Variants in KAZN observed in about 807,000 individuals in gnomAD.
KAZN encodes kazrin.
In KAZN, 40 loss-of-function variants were observed where a neutral mutation model predicts 87.4. The observed-to-expected ratio is 0.46, with a 90% CI of 0.36 to 0.60. KAZN has a LOEUF of 0.60. KAZN is among the 20% of genes least tolerant of loss of function. The probability of loss-of-function intolerance (pLI) is 0.00; values close to 1 mark genes in which losing one functional copy is unlikely to be tolerated. For missense variants in KAZN, 898 were observed against 1,073.9 expected (o/e 0.84, Z 2.29); for synonymous variants, 466 against 458.3 (o/e 1.02, Z -0.22).
At chr1:14,113,434 G>T (rs145991234) in intron 1 of KAZN, among the ~76,000 whole-genome samples, 3 of 152,106 alleles carry the variant, frequency 2.0e-5, no homozygotes, top group East Asian at 3.9e-4. Context: ...CACTTTCCCC[G>T]AAAAATGCAG....
At chr1:14,838,244 A>C (rs1647508411) in intron 1 of KAZN, among the ~76,000 whole-genome samples, 1 of 152,232 alleles carries the variant, frequency 6.6e-6, no homozygotes, top group African/African-American at 2.4e-5. Flanking sequence ...TTCACAAGGG[A>C]GGAGCCCTCA....
chr1:14,848,782 C>T (rs1323321378), intron 1 of KAZN, among the ~76,000 whole-genome samples: 3 of 152,214 alleles, frequency 2.0e-5, no homozygotes, highest in African/African-American at 7.2e-5. Flanking sequence ...TCATCAAGGG[C>T]CATGAAGCGG....
At chr1:14,565,691 C>T (rs1285821199) in intron 2 of KAZN, among the ~76,000 whole-genome samples, 1 of 152,190 alleles carries the variant, frequency 6.6e-6, no homozygotes, top group African/African-American at 2.4e-5. Flanking sequence ...ATGTAATATT[C>T]AAAATTCTTC....
At chr1:14,878,745 C>G (rs1653028334) in intron 1 of KAZN, among the ~76,000 whole-genome samples, 2 of 152,236 alleles carry the variant, frequency 1.3e-5, no homozygotes. Flanking sequence ...TTGTCTGGCT[C>G]TAGGCCCTCT....
chr1:14,025,010 T>A (rs1048289611), intron 1 of KAZN, among the ~76,000 whole-genome samples: 1 of 152,202 alleles, frequency 6.6e-6, no homozygotes, highest in Non-Finnish European at 1.5e-5. Context: ...TTAGGTCAGA[T>A]CAAAGCACAT....
At chr1:14,221,142 TC>T (rs1310447722) in intron 2 of KAZN, among the ~76,000 whole-genome samples, 5 of 152,302 alleles carry the variant, frequency 3.3e-5, no homozygotes, top group African/African-American at 1.2e-4. Flanking sequence ...ACTCATTCCT[TC>T]ACTAATTCAC....
intron 1 of KAZN, among the ~76,000 whole-genome samples, chr1:14,142,906 A>G (rs532914646): frequency 2.0e-5 from 3 of 152,266 alleles, no homozygotes; most frequent in Admixed American, 6.5e-5. Flanking sequence ...GATGGGCCCA[A>G]CTGTCTTCCC....
chr1:14,779,659 C>A (rs1214425901), intron 1 of KAZN, among the ~76,000 whole-genome samples: 1 of 152,166 alleles, frequency 6.6e-6, no homozygotes, highest in Non-Finnish European at 1.5e-5. Flanking sequence ...TTGTTAATTT[C>A]CTGCTGACAG....
At chr1:14,432,120 C>G (rs1666107255) in intron 2 of KAZN, among the ~76,000 whole-genome samples, 1 of 152,138 alleles carries the variant, frequency 6.6e-6, no homozygotes, top group African/African-American at 2.4e-5. Flanking sequence ...GATCTTTTCC[C>G]CGCAAGCCTA....
At chr1:14,102,821 G>A (rs766966630) in intron 1 of KAZN, among the ~76,000 whole-genome samples, 21 of 152,034 alleles carry the variant, frequency 1.4e-4, no homozygotes, top group Non-Finnish European at 2.9e-4. Context: ...CTGAGATCAA[G>A]GTGTCAGCAG....
intron 1 of KAZN, among the ~76,000 whole-genome samples, chr1:14,120,375 A>G (rs1644725872): frequency 6.6e-6 from 1 of 152,096 alleles, no homozygotes; most frequent in African/African-American, 2.4e-5. Context: ...TAAACCATTC[A>G]TGAGAAACCA....
intron 1 of KAZN, among the ~76,000 whole-genome samples, chr1:14,011,558 G>A (rs1640313644): frequency 6.6e-6 from 1 of 152,102 alleles, no homozygotes. Context: ...TGTGCCTCTG[G>A]GCAGCCTCTT....
At position 15,116,485 on chromosome 1, in the gene KAZN, G is replaced by A. The variant is rs1315609629; in HGVS notation, c.*1850G>A. 4 of 152,238 alleles carry A rather than the reference G, an allele frequency of 2.6e-5. No individual in the cohort carries two copies. The highest frequency in any genetic ancestry group is 2.6e-4 in the Admixed American group (4 of 15,278). 9.4% of individuals were successfully genotyped at this position (152,238 alleles called of 1,614,324 possible). A position where few individuals can be genotyped will look rare whatever the true frequency, so the allele number is the denominator to read the frequency against. ...CTTCTGATCCTGGGCCCCAGGTGGT[G>A]AATCTCTGGCATGTGGCTTGGCTTT... is the stretch of plus-strand genomic sequence containing the variant. On this transcript the variant is annotated 3_prime_UTR_variant, in exon 15 of 15. Transcript: ENST00000376030.
chr1:14,255,109 G>C (rs1650388656), intron 2 of KAZN, among the ~76,000 whole-genome samples: 2 of 110,088 alleles, frequency 1.8e-5, no homozygotes, highest in African/African-American at 3.6e-5. Context: ...AACAGACCAA[G>C]ACTCTGTCTC....
intron 2 of KAZN, among the ~76,000 whole-genome samples, chr1:15,014,037 G>T (rs1669845093): frequency 6.6e-6 from 1 of 152,150 alleles, no homozygotes; most frequent in African/African-American, 2.4e-5. Flanking sequence ...CAGAACTGGA[G>T]CTCATTCCGG....
chr1:15,061,634 C>A (rs534974061), intron 6 of KAZN: 63 of 152,326 alleles, frequency 4.1e-4, no homozygotes, highest in African/African-American at 1.5e-3. Flanking sequence ...ATTCTCCTGC[C>A]TCAGCCTCCC....
intron 1 of KAZN, among the ~76,000 whole-genome samples, chr1:14,126,980 C>G (rs7519955): frequency 0.57 from 86,827 of 151,982 alleles, 26,063 homozygotes; most frequent in East Asian, 0.76. Context: ...GTGGTAGGCG[C>G]CTGTGATTCC....
intron 1 of KAZN, among the ~76,000 whole-genome samples, chr1:14,008,526 C>T (rs1358665218): frequency 6.6e-6 from 1 of 152,062 alleles, no homozygotes; most frequent in Non-Finnish European, 1.5e-5. Context: ...TGTGTCAAAC[C>T]CAGAGTCGAG....
intron 2 of KAZN, among the ~76,000 whole-genome samples, chr1:14,335,156 T>G (rs1021546539): frequency 2.7e-5 from 4 of 149,382 alleles, no homozygotes; most frequent in Non-Finnish European, 5.9e-5. Flanking sequence ...GCTCTGTGAG[T>G]TCACAAAATA....
Sources: gnomAD v4.1 joint callset for allele counts (sites outside exome capture counted in the v4.1 genomes callset) on GRCh38, gnomAD v4.1.1 for gene constraint, MANE v1.5 for transcripts, NCBI Gene and HGNC (gene_info 2026-07-23, HGNC 2026-07-21) for gene names.